Variants in SLC7A6 observed in about 807,000 individuals in gnomAD.
SLC7A6 encodes solute carrier family 7 member 6.
A neutral mutation model predicts 46.6 loss-of-function variants in SLC7A6; 29 were observed. The observed-to-expected ratio is 0.62, with a 90% CI of 0.46 to 0.85. The LOEUF is 0.85. Ranked by LOEUF, SLC7A6 falls within the 40% of genes least tolerant of loss-of-function variation. The probability of loss-of-function intolerance (pLI) is 0.00; values close to 1 mark genes in which losing one functional copy is unlikely to be tolerated. For missense variants in SLC7A6, 527 were observed against 647.6 expected, an observed-to-expected ratio of 0.81 and a Z score of 2.02; for synonymous variants, 276 against 257.3, an observed-to-expected ratio of 1.07 and a Z score of -0.70.
chr16:68,291,687 A>G (rs1567593647), intron 7 of SLC7A6, 26 bp downstream of exon 7: 4 of 1,587,624 alleles, frequency 2.5e-6, no homozygotes, highest in Admixed American at 1.7e-5. Flanking sequence ...GTCACTGATA[A>G]TAGACCACAA....
At chr16:68,272,134 C>T (rs36010241) in intron 2 of SLC7A6, among the ~76,000 whole-genome samples, 90,279 of 152,044 alleles carry the variant, frequency 0.59, 27,073 homozygotes, top group East Asian at 0.81. Context: ...GATAAAGAAG[C>T]CTGGCATGGT....
chr16:68,293,820 C>T (rs947677097), intron 7 of SLC7A6, among the ~76,000 whole-genome samples: 6 of 152,244 alleles, frequency 3.9e-5, no homozygotes, highest in Non-Finnish European at 8.8e-5. Context: ...TGGCACAAGC[C>T]TCAAGCCTAG....
chr16:68,286,832 G>A (rs1596995578), intron 3 of SLC7A6, among the ~76,000 whole-genome samples: 1 of 152,088 alleles, frequency 6.6e-6, no homozygotes, highest in Non-Finnish European at 1.5e-5. Context: ...AGCGATCAGT[G>A]GGCTTGGGAA....
At chr16:68,266,270 G>GA (rs1312378877) in intron 1 of SLC7A6, among the ~76,000 whole-genome samples, 1 of 151,802 alleles carries the variant, frequency 6.6e-6, no homozygotes, top group Non-Finnish European at 1.5e-5. Flanking sequence ...CAAAAAAAAA[G>GA]AAAAAAAGTT....
At chr16:68,272,858 C>G (rs914464847) in intron 2 of SLC7A6, 1 of 152,216 alleles carries the variant, frequency 6.6e-6, no homozygotes, top group East Asian at 1.9e-4. Context: ...TTGCACCTGA[C>G]TCTTATGTGA....
At position 68,274,677 on chromosome 16, in the gene SLC7A6, G is replaced by GT; in HGVS notation, c.-36-13dup. 1.9e-6 allele frequency: 3 copies of GT among 1,604,996 alleles called. No homozygotes were observed. Among genetic ancestry groups the GT allele is most frequent in the Non-Finnish European group, 2.6e-6 (3 of 1,174,066 alleles). On this transcript the variant is annotated splice_polypyrimidine_tract_variant and intron_variant, in intron 2 of 10. Coordinates refer to ENST00000219343, the MANE Select transcript of SLC7A6 (RefSeq NM_003983.6). Reference sequence around the variant, plus strand: ...GCTCCTGCCCTAGACTGACATACTTGTATTCTTTGCCAGGCCACAGCAAAC... The same window carrying GT: ...GCTCCTGCCCTAGACTGACATACTTGTTATTCTTTGCCAGGCCACAGCAAAC...
At chr16:68,275,689 A>C (rs1487773075) in intron 3 of SLC7A6, among the ~76,000 whole-genome samples, 1 of 151,854 alleles carries the variant, frequency 6.6e-6, no homozygotes, top group East Asian at 1.9e-4. Flanking sequence ...TGAGGAAGTA[A>C]TTTTACCAGT....
At chr16:68,276,275 A>G (rs2042711462) in intron 3 of SLC7A6, among the ~76,000 whole-genome samples, 3 of 152,214 alleles carry the variant, frequency 2.0e-5, no homozygotes, top group Admixed American at 2.0e-4. Flanking sequence ...ATGGGGTAGT[A>G]AGGAGAAAAG....
At chr16:68,287,373 T>C (rs897877156) in intron 3 of SLC7A6, 1 of 1,295,142 alleles carries the variant, frequency 7.7e-7, no homozygotes, top group Non-Finnish European at 1.0e-6. Flanking sequence ...TGAGTTTCTT[T>C]TGGCCATGAA....
Position 68,297,350 on chromosome 16 carries a change from G to T in SLC7A6, c.*22G>T. ...CTAGAGGTCAGAGGTGGCTTTCTGA[G>T]GCCTGGAAGGCAGGCCAACCAGCAA... On this transcript the variant is annotated 3_prime_UTR_variant, in exon 11 of 11. Coordinates refer to ENST00000219343, the MANE Select transcript of SLC7A6 (RefSeq NM_003983.6). The T allele has an allele frequency of 6.2e-7, 1 of 1,605,666 alleles. No individual in the cohort carries two copies.
chr16:68,275,005 G>A lies in SLC7A6; in HGVS notation c.279G>A (p.Val93=), dbSNP rs750286655. Residue 93 remains valine, a synonymous_variant, in exon 3 of 11, where the codon GTG becomes GTA. Transcript: ENST00000219343. ...CCATTGGTGGGCTCTTCTCTGTTGT[G>A]GGTGCCCTTTGTTATGCAGAGCTGG... ...VWAIGGLFSV[V]GALCYAELGT... The A allele has an allele frequency of 4.7e-5, 76 of 1,614,062 alleles. No homozygotes were observed. Among genetic ancestry groups the A allele is most frequent in the Non-Finnish European group, 6.0e-5 (71 of 1,180,050 alleles).
intron 1 of SLC7A6, 125 bp from the exon 2 acceptor site, chr16:68,266,468 G>A (rs1008748932): frequency 6.6e-6 from 1 of 152,092 alleles, no homozygotes; most frequent in African/African-American, 2.4e-5. Context: ...ATTTTACAAG[G>A]AAATATCATT....
intron 5 of SLC7A6, 132 bp downstream of exon 5, chr16:68,290,672 C>A: frequency 3.6e-6 from 4 of 1,097,384 alleles, no homozygotes; most frequent in Non-Finnish European, 5.3e-6. Flanking sequence ...CCTTCTCCAG[C>A]TAGGAGGGGC....
In SLC7A6 at chr16:68,274,697, G is replaced by A. The variant is rs749754760; in HGVS notation, c.-30G>A. 3 of 1,610,848 alleles carry A rather than the reference G, an allele frequency of 1.9e-6. No individual in the cohort carries two copies. Among genetic ancestry groups the A allele is most frequent in the Admixed American group, 3.3e-5 (2 of 59,902 alleles). On this transcript the variant is annotated 5_prime_UTR_variant, in exon 3 of 11. Transcript: ENST00000219343. ...TACTTGTATTCTTTGCCAGGCCACA[G>A]CAAACACAGGTGTGCAGGAACCGTT... is the stretch of plus-strand genomic sequence containing the variant.
intron 4 of SLC7A6, among the ~76,000 whole-genome samples, 179 bp downstream of exon 4, chr16:68,288,050 A>G (rs972708788): frequency 6.6e-6 from 1 of 152,206 alleles, no homozygotes; most frequent in African/African-American, 2.4e-5. Flanking sequence ...GGCTTGGCCA[A>G]GTGGACATGA....
chr16:68,282,808 C>T (rs547152291), intron 3 of SLC7A6, among the ~76,000 whole-genome samples: 4 of 152,178 alleles, frequency 2.6e-5, no homozygotes, highest in African/African-American at 7.2e-5. Flanking sequence ...TTAGTAGAGA[C>T]GGGGTTTCAC....
intron 4 of SLC7A6, 44 bp downstream of exon 4, chr16:68,287,915 T>A: frequency 1.9e-6 from 3 of 1,603,468 alleles, no homozygotes; most frequent in Non-Finnish European, 2.6e-6. Context: ...TCCTCTGGAT[T>A]CCCTGAGGAG....
intron 3 of SLC7A6, chr16:68,284,670 T>C: frequency 2.0e-6 from 2 of 984,648 alleles, no homozygotes; most frequent in Non-Finnish European, 2.4e-6. Context: ...GTCTGAGGAG[T>C]GTATCAGCTT....
intron 7 of SLC7A6, chr16:68,292,621 C>T (rs28468544): frequency 0.032 from 4,935 of 152,272 alleles, 251 homozygotes; most frequent in African/African-American, 0.11. Context: ...CCTTAGCCTC[C>T]CGAGTAGCTG....
Sources: gnomAD v4.1 joint callset for allele counts (sites outside exome capture counted in the v4.1 genomes callset) on GRCh38, gnomAD v4.1.1 for gene constraint, MANE v1.5 for transcripts, NCBI Gene and HGNC (gene_info 2026-07-23, HGNC 2026-07-21) for gene names.